EFCAB8: variants seen among roughly 807,000 people sequenced by gnomAD.
EFCAB8 encodes EF-hand calcium-binding domain-containing protein 8.
EFCAB8 carries 100 observed loss-of-function variants against 116.3 expected under a neutral mutation model. The ratio of observed to expected loss-of-function variants is 0.86; its 90% CI spans 0.73 to 1.02. EFCAB8 has a LOEUF of 1.02. EFCAB8 is among the 50% of genes least tolerant of loss of function. The pLI is 0.00. For missense variants in EFCAB8, 1,320 were observed against 1,416.9 expected (o/e 0.93, Z 1.10); for synonymous variants, 558 against 567.9 (o/e 0.98, Z 0.25).
At chr20:32,886,782 C>T (rs1487196170) in intron 6 of EFCAB8, among the ~76,000 whole-genome samples, 1 of 152,210 alleles carries the variant, frequency 6.6e-6, no homozygotes, top group African/African-American at 2.4e-5. Context: ...CGCAGCAGGC[C>T]TGGATTCTTC....
intron 11 of EFCAB8, among the ~76,000 whole-genome samples, chr20:32,903,147 C>T (rs1378024420): frequency 6.6e-6 from 1 of 152,244 alleles, no homozygotes; most frequent in African/African-American, 2.4e-5. Context: ...TGGGCCCTGC[C>T]CATCTCGCCC....
At chr20:32,952,237 C>G (rs1988821151) in intron 23 of EFCAB8, among the ~76,000 whole-genome samples, 1 of 151,990 alleles carries the variant, frequency 6.6e-6, no homozygotes, top group Non-Finnish European at 1.5e-5. Flanking sequence ...TGCACTACAG[C>G]CTGGGCAACA....
chr20:32,870,698 TGCTATGTTGCCCAG>T (rs1269947277), intron 3 of EFCAB8, among the ~76,000 whole-genome samples: 1 of 152,062 alleles, frequency 6.6e-6, no homozygotes. Flanking sequence ...GATGGGGTCT[TGCTATGTTGCCCAG>T]GCTAGTCTCA....
At chr20:32,915,087 G>C (rs914305541) in intron 17 of EFCAB8, among the ~76,000 whole-genome samples, 1 of 152,038 alleles carries the variant, frequency 6.6e-6, no homozygotes, top group Non-Finnish European at 1.5e-5. Context: ...TTTTTTTATA[G>C]AGATGGGGTC....
intron 22 of EFCAB8, among the ~76,000 whole-genome samples, chr20:32,935,184 CTTTCTTTCTTTT>C (rs1988057229): frequency 1.5e-5 from 1 of 64,556 alleles, no homozygotes; most frequent in African/African-American, 8.7e-5. Context: ...TTCTTTCTTT[CTTTCTTTCTTTT>C]TTTTTTTTTT....
Position 32,933,569 on chromosome 20 carries a change from G to A in EFCAB8, c.2790+2233G>A, listed in dbSNP as rs1048978502. 3.3e-5 allele frequency among the ~76,000 whole-genome samples: 5 copies of A among 152,236 alleles called. 1 individual carries two copies. Among genetic ancestry groups the A allele is most frequent in the Admixed American group, 3.3e-4 (5 of 15,282 alleles). ...GAAGATCTCAAAACTTTTTCCTCCT[G>A]TCTGACCAAAACTTGGTACCCCTTT... On this transcript the variant is annotated intron_variant, in intron 22 of 26. Coordinates refer to ENST00000400522, the MANE Select transcript of EFCAB8 (RefSeq NM_001143967.2).
intron 23 of EFCAB8, among the ~76,000 whole-genome samples, chr20:32,955,911 T>C (rs966147913): frequency 3.3e-5 from 5 of 152,198 alleles, no homozygotes; most frequent in Non-Finnish European, 1.5e-5. Flanking sequence ...TTGAGTCTTA[T>C]TTTTTTCATC....
intron 22 of EFCAB8, among the ~76,000 whole-genome samples, chr20:32,938,224 C>T (rs1053148921): frequency 6.7e-6 from 1 of 149,696 alleles, no homozygotes; most frequent in African/African-American, 2.5e-5. Context: ...ATGATTATGC[C>T]AATAGATGCA....
At chr20:32,893,883 C>G (rs1369765621) in intron 9 of EFCAB8, among the ~76,000 whole-genome samples, 1 of 152,150 alleles carries the variant, frequency 6.6e-6, no homozygotes, top group Non-Finnish European at 1.5e-5. Context: ...TGCTGCAGCC[C>G]ATAATAAGAG....
intron 7 of EFCAB8, 53 bp from the exon 8 acceptor site, chr20:32,892,160 A>G (rs879393398): frequency 9.8e-5 from 146 of 1,486,228 alleles, no homozygotes; most frequent in Non-Finnish European, 1.3e-4. Flanking sequence ...CTGTGACTGA[A>G]GACCTCCCAG....
intron 13 of EFCAB8, among the ~76,000 whole-genome samples, chr20:32,907,866 C>T (rs942765091): frequency 6.6e-6 from 1 of 152,140 alleles, no homozygotes; most frequent in African/African-American, 2.4e-5. Flanking sequence ...TGGGAGGGGC[C>T]CCTCTGGGGA....
intron 1 of EFCAB8, among the ~76,000 whole-genome samples, chr20:32,859,255 G>A (rs979104826): frequency 1.3e-5 from 2 of 152,170 alleles, no homozygotes; most frequent in African/African-American, 4.8e-5. Flanking sequence ...TCTCCCACCT[G>A]CCTTGCCCTG....
At chr20:32,886,101 G>A (rs1002086557) in intron 6 of EFCAB8, among the ~76,000 whole-genome samples, 1 of 152,186 alleles carries the variant, frequency 6.6e-6, no homozygotes, top group Non-Finnish European at 1.5e-5. Context: ...AAATCCCAGG[G>A]TCAGAGTCCT....
chr20:32,903,910 G>GA (rs1986546133), intron 11 of EFCAB8, among the ~76,000 whole-genome samples: 1 of 152,166 alleles, frequency 6.6e-6, no homozygotes, highest in African/African-American at 2.4e-5. Flanking sequence ...CCTGGCTTAG[G>GA]CCCCCCGGGA....
chr20:32,929,618 A>T (rs934482667), intron 20 of EFCAB8, among the ~76,000 whole-genome samples: 1 of 151,378 alleles, frequency 6.6e-6, no homozygotes, highest in Non-Finnish European at 1.5e-5. Context: ...CTAGGATTAC[A>T]GGTATGAGCC....
chr20:32,950,271 G>A (rs984530456), intron 23 of EFCAB8, among the ~76,000 whole-genome samples: 2 of 152,192 alleles, frequency 1.3e-5, no homozygotes, highest in African/African-American at 4.8e-5. Context: ...GAAGATATTT[G>A]CAAATCCTAT....
At chr20:32,935,013 A>G (rs1354660593) in intron 22 of EFCAB8, among the ~76,000 whole-genome samples, 1 of 151,984 alleles carries the variant, frequency 6.6e-6, no homozygotes, top group Non-Finnish European at 1.5e-5. Flanking sequence ...ATAACATCTA[A>G]TCTAACAGAT....
At chr20:32,882,344 G>A (rs1276751040) in intron 5 of EFCAB8, among the ~76,000 whole-genome samples, 1 of 152,162 alleles carries the variant, frequency 6.6e-6, no homozygotes. Context: ...TTCCTCGTTG[G>A]TCACTTGATA....
chr20:32,870,927 C>T (rs184394114), intron 3 of EFCAB8, among the ~76,000 whole-genome samples: 77 of 151,172 alleles, frequency 5.1e-4, no homozygotes, highest in African/African-American at 9.2e-4. Flanking sequence ...GGTGCGATCT[C>T]GGCTCACTGC....
Sources: gnomAD v4.1 joint callset for allele counts (sites outside exome capture counted in the v4.1 genomes callset) on GRCh38, gnomAD v4.1.1 for gene constraint, MANE v1.5 for transcripts, NCBI Gene and HGNC (gene_info 2026-07-23, HGNC 2026-07-21) for gene names.